The following MGLL variants were observed in gnomAD, a reference collection of about 807,000 sequenced individuals.
MGLL encodes the protein monoglyceride lipase.
A neutral mutation model predicts 29.1 loss-of-function variants in MGLL; 7 were observed. The ratio of observed to expected loss-of-function variants is 0.24; its 90% CI spans 0.14 to 0.45. MGLL has a LOEUF of 0.45. MGLL is among the 20% of genes least tolerant of loss of function. MGLL has a pLI of 0.99. For synonymous variants in MGLL, 148 were observed against 168.3 expected (o/e 0.88, Z 0.93); for missense variants, 356 against 413.6 (o/e 0.86, Z 1.21).
intron 2 of MGLL, among the ~76,000 whole-genome samples, chr3:127,802,988 T>C (rs78846821): frequency 7.9e-4 from 115 of 145,654 alleles, no homozygotes; most frequent in Non-Finnish European, 1.5e-3. Flanking sequence ...CTCTCTCTCT[T>C]TTTTTTTTTT....
At chr3:127,769,177 C>T (rs1266494656) in intron 3 of MGLL, among the ~76,000 whole-genome samples, 1 of 152,028 alleles carries the variant, frequency 6.6e-6, no homozygotes, top group Non-Finnish European at 1.5e-5. Flanking sequence ...CATGGTGAAA[C>T]CCCGTCTTTA....
intron 5 of MGLL, among the ~76,000 whole-genome samples, chr3:127,720,814 A>G (rs2075903767): frequency 6.6e-6 from 1 of 152,170 alleles, no homozygotes. Context: ...AAAATTCATC[A>G]ATAAAACATG....
At chr3:127,722,970 T>C (rs7652988) in intron 3 of MGLL, among the ~76,000 whole-genome samples, 80,821 of 152,190 alleles carry the variant, frequency 0.53, 21,854 homozygotes, top group Non-Finnish European at 0.6. Flanking sequence ...TCCTTGCCCC[T>C]GGCAGCTGTG....
chr3:127,754,405 G>A (rs2076619340), intron 3 of MGLL, among the ~76,000 whole-genome samples: 1 of 151,682 alleles, frequency 6.6e-6, no homozygotes, highest in Non-Finnish European at 1.5e-5. Context: ...GTGCCTTCCA[G>A]GACTGCAAGC....
chr3:127,712,364 T>C (rs2075732752), intron 5 of MGLL: 1 of 152,292 alleles, frequency 6.6e-6, no homozygotes. Flanking sequence ...GTGGCGTGAC[T>C]GCCCACCACG....
intron 2 of MGLL, among the ~76,000 whole-genome samples, chr3:127,803,199 C>T (rs1381689957): frequency 6.6e-6 from 1 of 152,150 alleles, no homozygotes; most frequent in Admixed American, 6.5e-5. Context: ...AGGCTGGTCT[C>T]GAACTCCTGG....
chr3:127,793,321 C>A (rs2077331779), intron 2 of MGLL, among the ~76,000 whole-genome samples: 1 of 152,186 alleles, frequency 6.6e-6, no homozygotes, highest in Non-Finnish European at 1.5e-5. Flanking sequence ...TAAAAATCCC[C>A]AATTGGCATA....
chr3:127,701,726 C>T (rs778815307), intron 6 of MGLL, among the ~76,000 whole-genome samples: 10 of 152,190 alleles, frequency 6.6e-5, no homozygotes, highest in African/African-American at 9.7e-5. Flanking sequence ...AGGCAGCCTT[C>T]CCCGGTCCCG....
chr3:127,799,160 G>A (rs1463895926), intron 2 of MGLL, among the ~76,000 whole-genome samples: 2 of 152,196 alleles, frequency 1.3e-5, no homozygotes, highest in South Asian at 2.1e-4. Context: ...AGCCAGGGAG[G>A]ACACTCACGG....
intron 3 of MGLL, among the ~76,000 whole-genome samples, chr3:127,763,872 G>A (rs1276962845): frequency 2.0e-5 from 3 of 152,188 alleles, no homozygotes; most frequent in Admixed American, 6.5e-5. Flanking sequence ...TGATGTCGCC[G>A]TAGTCATTAC....
intron 3 of MGLL, among the ~76,000 whole-genome samples, chr3:127,759,263 A>G (rs2076719439): frequency 6.6e-6 from 1 of 151,772 alleles, no homozygotes; most frequent in Non-Finnish European, 1.5e-5. Context: ...ATTATAAACC[A>G]GCTCTCCTAT....
chr3:127,794,704 G>A (rs2077356962), intron 2 of MGLL, among the ~76,000 whole-genome samples: 1 of 152,174 alleles, frequency 6.6e-6, no homozygotes, highest in Non-Finnish European at 1.5e-5. Context: ...CTTCTATGAT[G>A]TAAGACTATC....
chr3:127,735,944 C>G, intron 3 of MGLL: 1 of 1,487,324 alleles, frequency 6.7e-7, no homozygotes, highest in Non-Finnish European at 8.9e-7. Context: ...AATCCTGGCT[C>G]TCTTAGAGTG....
chr3:127,711,329 C>T (rs534073516), intron 5 of MGLL: 1 of 162,266 alleles, frequency 6.2e-6, no homozygotes, highest in African/African-American at 2.4e-5. Flanking sequence ...GTGAATAACA[C>T]CCTGTGTGCA....
chr3:127,779,067 A>C (rs116409610), intron 3 of MGLL, among the ~76,000 whole-genome samples: 1,534 of 152,244 alleles, frequency 0.01, 32 homozygotes, highest in African/African-American at 0.034. Flanking sequence ...CTTTATTTAA[A>C]TTTAAAAGCT....
chr3:127,696,391 T>G (rs1428917058), intron 6 of MGLL, among the ~76,000 whole-genome samples: 6 of 137,650 alleles, frequency 4.4e-5, no homozygotes, highest in East Asian at 2.1e-4. Context: ...GAGCCCCTGA[T>G]GCTTCTTTTT....
At chr3:127,744,493 G>A (rs1457331901) in intron 3 of MGLL, among the ~76,000 whole-genome samples, 1 of 152,208 alleles carries the variant, frequency 6.6e-6, no homozygotes, top group Non-Finnish European at 1.5e-5. Context: ...GCAGCTCTGG[G>A]TTGGCCAGAA....
intron 2 of MGLL, among the ~76,000 whole-genome samples, chr3:127,786,075 G>A (rs2077207210): frequency 6.6e-6 from 1 of 152,248 alleles, no homozygotes; most frequent in African/African-American, 2.4e-5. Flanking sequence ...GGAGGAAGGT[G>A]AGAGGTACAT....
rs1048104836 is a variant in MGLL at position 127,822,378 on chromosome 3, T to C, written c.-60A>G. The C allele has an allele frequency of 8.4e-5, 134 of 1,596,420 alleles. No homozygotes were observed. Among genetic ancestry groups the C allele is most frequent in the Middle Eastern group, 6.6e-4 (4 of 6,052 alleles). ...GCCTGGAGAATCAGAACCAGGCAAA[T>C]CGGGCTGTTCCCTCATCTGGGCGGC... On this transcript the variant is annotated 5_prime_UTR_variant, in exon 1 of 8. Transcript: ENST00000265052.
Sources: gnomAD v4.1 joint callset for allele counts (sites outside exome capture counted in the v4.1 genomes callset) on GRCh38, gnomAD v4.1.1 for gene constraint, MANE v1.5 for transcripts, NCBI Gene and HGNC (gene_info 2026-07-23, HGNC 2026-07-21) for gene names.